The following MMP26 variants were observed in gnomAD, a reference collection of about 807,000 sequenced individuals.
The protein encoded by MMP26 is matrix metallopeptidase 26.
Under a neutral mutation model 31.0 loss-of-function variants are expected in MMP26, and 33 were observed. The observed-to-expected ratio is 1.06, with a 90% CI of 0.81 to 1.42. The LOEUF is 1.42. Among genes scored for constraint, MMP26 ranks in the 40% most tolerant of loss-of-function variants. MMP26 has a pLI of 0.00. For missense variants in MMP26, 347 were observed against 316.1 expected, an observed-to-expected ratio of 1.10 and a Z score of -0.74; for synonymous variants, 122 against 114.9, an observed-to-expected ratio of 1.06 and a Z score of -0.40.
At chr11:4,865,574 ATTC>A (rs754613021) in intron 2 of MMP26, among the ~76,000 whole-genome samples, 15 of 151,776 alleles carry the variant, frequency 9.9e-5, no homozygotes, top group African/African-American at 2.2e-4. Context: ...CCATTGCCAA[ATTC>A]TTCTTCTTCC....
At chr11:4,810,370 A>G (rs561756012) in intron 2 of MMP26, among the ~76,000 whole-genome samples, 1 of 152,288 alleles carries the variant, frequency 6.6e-6, no homozygotes, top group East Asian at 1.9e-4. Context: ...AAGGCACTGA[A>G]TTTGCATATA....
In MMP26 at chr11:4,802,237, A is replaced by C. The variant is rs150934094; in HGVS notation, c.-145+34896A>C. Reference sequence around the variant, plus strand: ...ATTGTTTTGATTTTGGGTGGAAATCATGCAAATTAGATGTTCTGTTTGTCA... The same window carrying C: ...ATTGTTTTGATTTTGGGTGGAAATCCTGCAAATTAGATGTTCTGTTTGTCA... On this transcript the variant is annotated intron_variant, in intron 2 of 7. Coordinates refer to ENST00000380390, the MANE Select transcript of MMP26 (RefSeq NM_021801.5). Among the ~76,000 whole-genome samples the C allele has an allele frequency of 4.2e-3, 644 of 152,342 alleles. 3 individuals carry two copies. Among genetic ancestry groups the C allele is most frequent in the African/African-American group, 0.014 (596 of 41,584 alleles).
intron 2 of MMP26, among the ~76,000 whole-genome samples, chr11:4,807,225 G>A (rs1849283080): frequency 6.6e-6 from 1 of 152,022 alleles, no homozygotes; most frequent in African/African-American, 2.4e-5. Context: ...GGTATTTCTA[G>A]TTCTAGATCC....
chr11:4,972,208 C>A (rs1171738018), intron 2 of MMP26, among the ~76,000 whole-genome samples: 1 of 152,074 alleles, frequency 6.6e-6, no homozygotes, highest in Non-Finnish European at 1.5e-5. Flanking sequence ...ACTGACCTAG[C>A]ATGACTCTTG....
At chr11:4,825,974 G>T (rs1849573513) in intron 2 of MMP26, among the ~76,000 whole-genome samples, 1 of 152,100 alleles carries the variant, frequency 6.6e-6, no homozygotes, top group Non-Finnish European at 1.5e-5. Flanking sequence ...CTAAAATAGT[G>T]GAGAAATTAG....
chr11:4,796,856 A>G (rs1234945921), intron 2 of MMP26, among the ~76,000 whole-genome samples: 1 of 151,876 alleles, frequency 6.6e-6, no homozygotes, highest in African/African-American at 2.4e-5. Flanking sequence ...AAAGGATAAT[A>G]CCTCAGGGCT....
At position 4,790,473 on chromosome 11, in the gene MMP26, C is replaced by A. The variant is rs1452358110; in HGVS notation, c.-145+23132C>A. 2.0e-5 allele frequency among the ~76,000 whole-genome samples: 3 copies of A among 152,162 alleles called. No individual in the cohort carries two copies. The East Asian group carries it at 5.8e-4, about 29-fold the overall frequency. ...TTCACTCTGGGATTCAATTTTTTGA[C>A]AGTAGGTCACACTTAGAAATGGGCC... On this transcript the variant is annotated intron_variant, in intron 2 of 7. Coordinates refer to ENST00000380390, the MANE Select transcript of MMP26 (RefSeq NM_021801.5).
intron 2 of MMP26, among the ~76,000 whole-genome samples, chr11:4,841,348 C>A (rs1849793168): frequency 6.6e-6 from 1 of 152,034 alleles, no homozygotes. Flanking sequence ...ATTTAACCCC[C>A]AAAATAACAC....
chr11:4,821,275 A>G (rs1849493128), intron 2 of MMP26: 2 of 862,320 alleles, frequency 2.3e-6, no homozygotes, highest in South Asian at 3.3e-5. Context: ...AGCTCTGGGA[A>G]GCTAAAAAGA....
chr11:4,923,808 G>T (rs1236515834), intron 2 of MMP26: 1 of 1,614,022 alleles, frequency 6.2e-7, no homozygotes, highest in Non-Finnish European at 8.5e-7. Flanking sequence ...CAATAAGCAT[G>T]AGCCAGCACA....
Position 4,874,586 on chromosome 11 carries a change from G to GTGTGTGTA in MMP26, c.-145+107247_-145+107248insTGTGTATG, listed in dbSNP as rs1225509302. Among the ~76,000 whole-genome samples, 288 of 151,958 alleles carry GTGTGTGTA rather than the reference G, an allele frequency of 1.9e-3. 1 individual carries two copies. Among genetic ancestry groups the GTGTGTGTA allele is most frequent in the Middle Eastern group, 0.01 (3 of 294 alleles). ...TGTTGGTGTGTGTGTGTGTGTGTGTGTGCATTCTTAACTGGGAGACCCTTT... is the reference window on the plus strand; with the variant it reads ...TGTTGGTGTGTGTGTGTGTGTGTGTGTGTGTGTATGCATTCTTAACTGGGAGACCCTTT... On this transcript the variant is annotated intron_variant, in intron 2 of 7. Coordinates refer to ENST00000380390, the MANE Select transcript of MMP26 (RefSeq NM_021801.5).
At chr11:4,749,323 A>T (rs191474013) in intron 1 of MMP26, among the ~76,000 whole-genome samples, 4 of 152,162 alleles carry the variant, frequency 2.6e-5, no homozygotes, top group Admixed American at 6.5e-5. Context: ...ATAATCATGG[A>T]TCAAAAAATC....
chr11:4,812,998 A>AGT (rs938011809), intron 2 of MMP26, among the ~76,000 whole-genome samples: 5 of 145,306 alleles, frequency 3.4e-5, no homozygotes, highest in African/African-American at 1.1e-4. Context: ...TATATGTGCG[A>AGT]GTGTGTGTGT....
At chr11:4,819,053 T>C (rs1255531284) in intron 2 of MMP26, among the ~76,000 whole-genome samples, 1 of 152,066 alleles carries the variant, frequency 6.6e-6, no homozygotes, top group Non-Finnish European at 1.5e-5. Flanking sequence ...ATTTAGAAAA[T>C]TGGGTCATTT....
intron 2 of MMP26, among the ~76,000 whole-genome samples, chr11:4,957,077 T>A (rs1345806204): frequency 6.6e-6 from 1 of 152,148 alleles, no homozygotes; most frequent in Non-Finnish European, 1.5e-5. Flanking sequence ...GCAACTCAGG[T>A]CTGTTATTTT....
chr11:4,789,384 T>C (rs930482322), intron 2 of MMP26, among the ~76,000 whole-genome samples: 4 of 152,118 alleles, frequency 2.6e-5, no homozygotes, highest in African/African-American at 9.7e-5. Context: ...CTATATTCTT[T>C]AACTAGGAAT....
chr11:4,840,462 C>A (rs1849778851), intron 2 of MMP26, among the ~76,000 whole-genome samples: 1 of 152,226 alleles, frequency 6.6e-6, no homozygotes. Flanking sequence ...CCCTTAGATT[C>A]ATGTGGCTCA....
At chr11:4,804,483 T>C in intron 2 of MMP26, 1 of 874,502 alleles carries the variant, frequency 1.1e-6, no homozygotes, top group Non-Finnish European at 2.0e-6. Flanking sequence ...TGGATGGGAC[T>C]ATTGGATACC....
chr11:4,974,386 A>G (rs943177601), intron 2 of MMP26, among the ~76,000 whole-genome samples: 1 of 152,036 alleles, frequency 6.6e-6, no homozygotes, highest in African/African-American at 2.4e-5. Context: ...AAATATATGT[A>G]TATAGTGTCT....
Sources: allele counts gnomAD v4.1 joint callset (sites outside exome capture counted in the v4.1 genomes callset), GRCh38; gene constraint gnomAD v4.1.1; transcripts MANE v1.5; gene names NCBI Gene and HGNC (gene_info 2026-07-23, HGNC 2026-07-21).